The following HUNK variants were observed in gnomAD, a reference collection of about 807,000 sequenced individuals.
HUNK encodes hormonally up-regulated neu tumor-associated kinase.
In HUNK, 21 loss-of-function variants were observed where a neutral mutation model predicts 61.0. That is an observed-to-expected ratio of 0.34 (90% CI 0.24 to 0.50). HUNK has a LOEUF of 0.50. Among genes scored for constraint, HUNK ranks in the 20% least tolerant of loss-of-function variants. The pLI is 0.98. For synonymous variants in HUNK, 371 were observed against 386.1 expected (o/e 0.96, Z 0.46); for missense variants, 772 against 945.7 (o/e 0.82, Z 2.41).
At chr21:31,923,401 T>G (rs2052635982) in intron 1 of HUNK, among the ~76,000 whole-genome samples, 1 of 151,094 alleles carries the variant, frequency 6.6e-6, no homozygotes, top group Non-Finnish European at 1.5e-5. Context: ...GATTGCACCA[T>G]GTACTCCAGC....
At chr21:31,952,437 T>G (rs763437980) in intron 4 of HUNK, among the ~76,000 whole-genome samples, 1 of 152,186 alleles carries the variant, frequency 6.6e-6, no homozygotes, top group Non-Finnish European at 1.5e-5. Context: ...CACATGCCCC[T>G]TAAGAACGAG....
chr21:31,984,563 G>T (rs2053120231), intron 8 of HUNK, among the ~76,000 whole-genome samples: 1 of 152,086 alleles, frequency 6.6e-6, no homozygotes, highest in Admixed American at 6.5e-5. Flanking sequence ...TAGAGAAAAA[G>T]AACACAACTC....
Position 31,968,291 on chromosome 21 carries a change from G to A in HUNK, c.916G>A (p.Val306Met), listed in dbSNP as rs756870872. 3 of 1,614,200 alleles carry A rather than the reference G, an allele frequency of 1.9e-6. No homozygotes were observed. The highest frequency in any genetic ancestry group is 2.2e-5 in the South Asian group (2 of 91,082). The change falls in exon 6 of 11, where the codon GTG becomes ATG. Residue 306 changes from valine to methionine, a missense_variant. By Grantham distance (21) the Val-to-Met change is conservative (BLOSUM62 1). This residue lies in a region of HUNK where 359 missense variants were observed against 501.3 expected (regional missense o/e 0.72). Coordinates refer to ENST00000270112, the MANE Select transcript of HUNK (RefSeq NM_014586.2). ...FLRSLLEPDPVKRPNIQQALA... is the reference protein window; with the variant it reads ...FLRSLLEPDPMKRPNIQQALA... Reference sequence around the variant, plus strand: ...GCGCTCTCTCCTGGAACCGGATCCTGTGAAGAGGCCAAATATTCAGCAGGC... The same window carrying A: ...GCGCTCTCTCCTGGAACCGGATCCTATGAAGAGGCCAAATATTCAGCAGGC...
intron 1 of HUNK, among the ~76,000 whole-genome samples, chr21:31,923,403 T>A (rs892895169): frequency 6.6e-6 from 1 of 150,764 alleles, no homozygotes; most frequent in African/African-American, 2.4e-5. Context: ...TTGCACCATG[T>A]ACTCCAGCCT....
At chr21:31,897,333 A>G (rs2052432002) in intron 1 of HUNK, among the ~76,000 whole-genome samples, 1 of 152,238 alleles carries the variant, frequency 6.6e-6, no homozygotes, top group Non-Finnish European at 1.5e-5. Flanking sequence ...TCTGGAGGCC[A>G]GAAGTCTAAG....
chr21:31,951,810 A>G (rs1238378882), intron 4 of HUNK, among the ~76,000 whole-genome samples: 1 of 152,192 alleles, frequency 6.6e-6, no homozygotes, highest in Non-Finnish European at 1.5e-5. Context: ...AGTGTTTTGT[A>G]AAAGTACTAC....
At chr21:31,931,769 A>G (rs572972130) in intron 2 of HUNK, among the ~76,000 whole-genome samples, 271 of 152,064 alleles carry the variant, frequency 1.8e-3, no homozygotes, top group Middle Eastern at 0.01. Context: ...CTCAACCCTG[A>G]GCGGCTCCCC....
intron 1 of HUNK, among the ~76,000 whole-genome samples, chr21:31,878,258 CAAAA>C (rs59741283): frequency 4.4e-5 from 4 of 89,952 alleles, no homozygotes; most frequent in African/African-American, 1.8e-4. Context: ...GACTCCATCT[CAAAA>C]AAAAAAAAAA....
At chr21:31,979,409 G>A (rs571866537) in intron 7 of HUNK, among the ~76,000 whole-genome samples, 6 of 147,672 alleles carry the variant, frequency 4.1e-5, no homozygotes, top group South Asian at 2.2e-4. Context: ...GAGCCACCGC[G>A]CCCGGCCCCT....
chr21:31,892,205 AGAGAGTGTGTGTGT>A (rs2052395337), intron 1 of HUNK, among the ~76,000 whole-genome samples: 1 of 137,828 alleles, frequency 7.3e-6, no homozygotes, highest in Admixed American at 7.1e-5. Flanking sequence ...AGAGAGAGAG[AGAGAGTGTGTGTGT>A]GTGTGTGTGT....
At chr21:31,987,191 GA>G (rs1433519340) in intron 8 of HUNK, among the ~76,000 whole-genome samples, 6 of 152,324 alleles carry the variant, frequency 3.9e-5, no homozygotes, top group Admixed American at 3.9e-4. Context: ...AAGGCAGGGG[GA>G]TACCTGCAGC....
chr21:31,995,759 G>T lies in HUNK; in HGVS notation c.1306-9G>T. 6.2e-7 allele frequency: 1 copy of T among 1,611,552 alleles called. No homozygotes were observed. The highest frequency in any genetic ancestry group is 1.1e-5 in the South Asian group (1 of 90,846). On this transcript the variant is annotated splice_polypyrimidine_tract_variant and intron_variant, in intron 9 of 10. Transcript: ENST00000270112. ...TGTCTAAGTGCATATGTTTGCTTCT[G>T]ATTTGTAGGATAAAAAGCCCAAAGA...
intron 5 of HUNK, among the ~76,000 whole-genome samples, chr21:31,962,197 G>T (rs2052933836): frequency 6.6e-6 from 1 of 152,212 alleles, no homozygotes; most frequent in South Asian, 2.1e-4. Context: ...CAACTAAAGA[G>T]AATGGGGCAG....
chr21:31,980,303 C>G (rs141474481), intron 7 of HUNK, among the ~76,000 whole-genome samples: 14,832 of 151,716 alleles, frequency 0.098, 822 homozygotes, highest in Middle Eastern at 0.21. Flanking sequence ...AACTCCTGAC[C>G]CTGTGGTCTG....
chr21:31,916,039 CTTTCTTTTTTT>C (rs2052579143), intron 1 of HUNK, among the ~76,000 whole-genome samples: 2 of 78,236 alleles, frequency 2.6e-5, no homozygotes, highest in Admixed American at 3.3e-4. Flanking sequence ...GTACTAAGTG[CTTTCTTTTTTT>C]TTTTTTTTTT....
chr21:31,987,937 A>C (rs1336835044), intron 8 of HUNK, among the ~76,000 whole-genome samples: 1 of 152,184 alleles, frequency 6.6e-6, no homozygotes, highest in Non-Finnish European at 1.5e-5. Flanking sequence ...GGTGTGGCCC[A>C]GGGCTCGTGT....
intron 1 of HUNK, among the ~76,000 whole-genome samples, chr21:31,887,401 GT>G (rs2052354530): frequency 2.0e-5 from 3 of 152,246 alleles, no homozygotes; most frequent in Middle Eastern, 6.8e-3. Context: ...TTTTTTATAA[GT>G]TTATTAGTCT....
intron 1 of HUNK, among the ~76,000 whole-genome samples, chr21:31,893,538 A>G (rs1032587431): frequency 6.6e-6 from 1 of 152,044 alleles, no homozygotes; most frequent in Non-Finnish European, 1.5e-5. Flanking sequence ...CAACATGGGT[A>G]TTACTGGGTT....
In HUNK at chr21:31,942,505, C is replaced by T. The variant is rs73903711; in HGVS notation, c.610+2285C>T. Among the ~76,000 whole-genome samples the T allele has an allele frequency of 8.5e-3, 1,289 of 152,296 alleles. 17 individuals carry two copies. The highest frequency in any genetic ancestry group is 0.029 in the African/African-American group (1,198 of 41,554). On this transcript the variant is annotated intron_variant, in intron 3 of 10. Coordinates refer to ENST00000270112, the MANE Select transcript of HUNK (RefSeq NM_014586.2). ...TCGGTGGATGCATTTATAAGGAGCT[C>T]ACGGATTGGTTGAGTAATAGAACCT...
Sources: gnomAD v4.1 joint callset for allele counts (sites outside exome capture counted in the v4.1 genomes callset) on GRCh38, gnomAD v4.1.1 for gene constraint, gnomAD v4.1.1 regional missense constraint, MANE v1.5 for transcripts, NCBI Gene and HGNC (gene_info 2026-07-23, HGNC 2026-07-21) for gene names.